Variants in PKIA observed in about 807,000 individuals in gnomAD.
PKIA encodes PKI-alpha.
PKIA carries 4 observed loss-of-function variants against 7.6 expected under a neutral mutation model. That is an observed-to-expected ratio of 0.52 (90% CI 0.26 to 1.20). The LOEUF is 1.20. Ranked by LOEUF, PKIA falls within the 50% of genes most tolerant of loss-of-function variation. The pLI is 0.13. For synonymous variants in PKIA, 21 were observed against 30.7 expected, an observed-to-expected ratio of 0.68 and a Z score of 1.04; for missense variants, 73 against 86.2, an observed-to-expected ratio of 0.85 and a Z score of 0.61.
At chr8:78,560,572 A>G (rs1585899415) in intron 1 of PKIA, among the ~76,000 whole-genome samples, 2 of 152,312 alleles carry the variant, frequency 1.3e-5, no homozygotes, top group East Asian at 1.9e-4. Flanking sequence ...AGTGATGAAT[A>G]TTACTAATAT....
intron 1 of PKIA, among the ~76,000 whole-genome samples, chr8:78,558,796 T>G (rs1807213683): frequency 6.6e-6 from 1 of 152,178 alleles, no homozygotes; most frequent in African/African-American, 2.4e-5. Flanking sequence ...GAATCAATCA[T>G]TAAGCGATAC....
chr8:78,591,695 A>C (rs16905835), intron 2 of PKIA, among the ~76,000 whole-genome samples: 1 of 152,232 alleles, frequency 6.6e-6, no homozygotes, highest in East Asian at 1.9e-4. Flanking sequence ...GAATATTAGT[A>C]TAATTGGATC....
chr8:78,564,018 G>A (rs1013750148), intron 1 of PKIA, among the ~76,000 whole-genome samples: 1 of 151,968 alleles, frequency 6.6e-6, no homozygotes, highest in Admixed American at 6.6e-5. Context: ...AAGGGAATAC[G>A]AAGATCACTG....
At chr8:78,583,609 A>T (rs1807873714) in intron 2 of PKIA, among the ~76,000 whole-genome samples, 1 of 152,096 alleles carries the variant, frequency 6.6e-6, no homozygotes, top group South Asian at 2.1e-4. Flanking sequence ...CTCTGCTTGC[A>T]TTTGCAGTCT....
rs1808365258 is a variant in PKIA, at chr8:78,602,236, C to G, written c.*415C>G. 1.1e-5 allele frequency: 2 copies of G among 185,716 alleles called. No homozygotes were observed. The highest frequency in any genetic ancestry group is 2.2e-5 in the Non-Finnish European group (2 of 90,272). The allele number at this position is 185,716 out of a possible 1,614,324, so 11.5% of individuals were successfully genotyped here. A position where few individuals can be genotyped will look rare whatever the true frequency, so the allele number is the denominator to read the frequency against. On this transcript the variant is annotated 3_prime_UTR_variant, in exon 4 of 4. Coordinates refer to ENST00000396418, the MANE Select transcript of PKIA (RefSeq NM_006823.4). ...AAATATCTCTGGCTCAAGTGTTCACCCAGTAAAAGAAAGATCCAGAAAGCA... is the reference window on the plus strand; with the variant it reads ...AAATATCTCTGGCTCAAGTGTTCACGCAGTAAAAGAAAGATCCAGAAAGCA...
chr8:78,584,174 T>C (rs536322306), intron 2 of PKIA, among the ~76,000 whole-genome samples: 1 of 152,204 alleles, frequency 6.6e-6, no homozygotes, highest in East Asian at 1.9e-4. Context: ...TGTGTGTGTG[T>C]GTGTATGTGT....
chr8:78,547,393 G>A (rs915700241), intron 1 of PKIA, among the ~76,000 whole-genome samples: 1 of 152,078 alleles, frequency 6.6e-6, no homozygotes, highest in Non-Finnish European at 1.5e-5. Context: ...GTGAGCCACC[G>A]CACCTGGCCT....
chr8:78,549,605 T>C (rs1806929098), intron 1 of PKIA, among the ~76,000 whole-genome samples: 1 of 151,834 alleles, frequency 6.6e-6, no homozygotes, highest in Admixed American at 6.6e-5. Context: ...CCAAGTGCCT[T>C]ATTTGATCCT....
chr8:78,582,179 T>G (rs936935668), intron 2 of PKIA, among the ~76,000 whole-genome samples: 1 of 151,924 alleles, frequency 6.6e-6, no homozygotes, highest in Non-Finnish European at 1.5e-5. Context: ...TCGTGTTTTT[T>G]TTTTTTTTTG....
chr8:78,592,185 C>T (rs1457157137), intron 2 of PKIA, among the ~76,000 whole-genome samples: 1 of 151,954 alleles, frequency 6.6e-6, no homozygotes. Flanking sequence ...GGGGAATTCA[C>T]TAAAAGCACT....
Position 78,524,000 on chromosome 8 carries a change from T to TTATATATATAAATATATATAAACATTTA in PKIA, c.-157+7540_-157+7541insTAAATATATATAAACATTTATATATATA, listed in dbSNP as rs371965418. Among the ~76,000 whole-genome samples, 25 of 92,166 alleles carry TTATATATATAAATATATATAAACATTTA rather than the reference T, an allele frequency of 2.7e-4. 2 individuals are homozygous for TTATATATATAAATATATATAAACATTTA. The highest frequency in any genetic ancestry group is 1.2e-3 in the African/African-American group (22 of 18,408). 60.5% of individuals were successfully genotyped at this position (92,166 alleles called of 152,430 possible). On this transcript the variant is annotated intron_variant, in intron 1 of 3. Transcript: ENST00000396418. Reference sequence around the variant, plus strand: ...TATATTTATAAATATATATAAACATTTATATATAAATATATATAAACGTTT... The same window carrying TTATATATATAAATATATATAAACATTTA: ...TATATTTATAAATATATATAAACATTTATATATATAAATATATATAAACATTTATATATATAAATATATATAAACGTTT...
At chr8:78,580,443 G>T (rs986358384) in intron 2 of PKIA, among the ~76,000 whole-genome samples, 2 of 151,882 alleles carry the variant, frequency 1.3e-5, no homozygotes, top group African/African-American at 4.8e-5. Flanking sequence ...AAAGCCATTC[G>T]ATGAGGCCTA....
intron 3 of PKIA, among the ~76,000 whole-genome samples, chr8:78,600,448 C>CT (rs1199843732): frequency 6.6e-6 from 1 of 152,088 alleles, no homozygotes; most frequent in Non-Finnish European, 1.5e-5. Flanking sequence ...CCCCAGACAT[C>CT]TAGAGGGTCC....
At chr8:78,557,036 CAT>C (rs1391664558) in intron 1 of PKIA, among the ~76,000 whole-genome samples, 6 of 152,088 alleles carry the variant, frequency 3.9e-5, no homozygotes, top group African/African-American at 1.2e-4. Context: ...TTTGTATGTG[CAT>C]ATGTTACCCT....
At chr8:78,524,206 A>ATT (rs1809496257) in intron 1 of PKIA, among the ~76,000 whole-genome samples, 2 of 130,348 alleles carry the variant, frequency 1.5e-5, no homozygotes, top group African/African-American at 7.0e-5. Flanking sequence ...TTATATTTAT[A>ATT]TATATATAAA....
intron 1 of PKIA, among the ~76,000 whole-genome samples, chr8:78,520,535 T>A (rs1809396212): frequency 6.6e-6 from 1 of 152,178 alleles, no homozygotes; most frequent in Non-Finnish European, 1.5e-5. Context: ...GGCTCAGAGA[T>A]GTCACCTGAA....
At chr8:78,525,492 TAAG>T (rs753142735) in intron 1 of PKIA, among the ~76,000 whole-genome samples, 6 of 151,996 alleles carry the variant, frequency 3.9e-5, no homozygotes, top group Non-Finnish European at 8.8e-5. Flanking sequence ...GTCCATTAAA[TAAG>T]AGGATGAATG....
chr8:78,593,614 A>G (rs948229572), intron 2 of PKIA, among the ~76,000 whole-genome samples: 1 of 152,250 alleles, frequency 6.6e-6, no homozygotes, highest in African/African-American at 2.4e-5. Flanking sequence ...ATGGTAATGC[A>G]TATAATGAAA....
intron 1 of PKIA, among the ~76,000 whole-genome samples, chr8:78,543,625 G>T (rs920437791): frequency 6.6e-6 from 1 of 152,138 alleles, no homozygotes; most frequent in African/African-American, 2.4e-5. Flanking sequence ...AGGCATTAAC[G>T]TGGAGGCCTA....
Sources: allele counts gnomAD v4.1 joint callset (sites outside exome capture counted in the v4.1 genomes callset), GRCh38; gene constraint gnomAD v4.1.1; transcripts MANE v1.5; gene names NCBI Gene and HGNC (gene_info 2026-07-23, HGNC 2026-07-21).